Variants in DYNC2I1 observed in about 807,000 individuals in gnomAD.
The protein encoded by DYNC2I1 is dynein 2 intermediate chain 1, also known as cytoplasmic dynein 2 intermediate chain 1.
In DYNC2I1, 89 loss-of-function variants were observed where a neutral mutation model predicts 133.4. That is an observed-to-expected ratio of 0.67 (90% CI 0.56 to 0.80). The LOEUF is 0.80. Ranked by LOEUF, DYNC2I1 falls within the 30% of genes least tolerant of loss-of-function variation. DYNC2I1 has a pLI of 0.00. For synonymous variants in DYNC2I1, 504 were observed against 484.3 expected (o/e 1.04, Z -0.54); for missense variants, 1,291 against 1,314.5 (o/e 0.98, Z 0.28).
rs1843380842 is a variant in DYNC2I1 at position 158,876,604 on chromosome 7, T to C, written c.491-5T>C. 1 of 1,562,632 alleles carries C rather than the reference T, an allele frequency of 6.4e-7. No individual in the cohort carries two copies. ...AGTATTAAAAATATGTTTTACTTCT[T>C]GTAGTAAGTAAAGTAAGAAGTGAAG... On this transcript the variant is annotated splice_polypyrimidine_tract_variant and splice_region_variant and intron_variant, in intron 3 of 24. Transcript: ENST00000407559.
chr7:158,901,970 A>C (rs1186098882), intron 9 of DYNC2I1, among the ~76,000 whole-genome samples, 154 bp downstream of exon 9: 1 of 152,206 alleles, frequency 6.6e-6, no homozygotes, highest in Non-Finnish European at 1.5e-5. Flanking sequence ...GTTACCTGTA[A>C]AATGCTTGCT....
At chr7:158,852,499 G>C (rs1461133027), upstream of DYNC2I1, among the ~76,000 whole-genome samples, 1 of 151,826 alleles carries the variant, frequency 6.6e-6, no homozygotes, top group African/African-American at 2.4e-5. Flanking sequence ...CTAGCACTTT[G>C]GGAGGCCAAG....
intron 4 of DYNC2I1, among the ~76,000 whole-genome samples, chr7:158,878,399 A>G (rs1283408500): frequency 7.9e-6 from 1 of 126,024 alleles, no homozygotes; most frequent in Non-Finnish European, 1.7e-5. Context: ...GCCGGGTGCC[A>G]TGTGGGGAGG....
At chr7:158,906,320 G>A (rs965486537) in intron 11 of DYNC2I1, among the ~76,000 whole-genome samples, 3 of 151,890 alleles carry the variant, frequency 2.0e-5, no homozygotes, top group Admixed American at 6.6e-5. Context: ...GATTTGTGGC[G>A]GACAGTTGGA....
chr7:158,848,769 A>G, the DYNC2I1 span, among the ~76,000 whole-genome samples: 1 of 152,076 alleles, frequency 6.6e-6, no homozygotes, highest in African/African-American at 2.4e-5. Flanking sequence ...CTAAAAATAC[A>G]AAAAATTAGC....
chr7:158,919,729 C>T (rs1362136535), intron 15 of DYNC2I1, among the ~76,000 whole-genome samples: 1 of 152,204 alleles, frequency 6.6e-6, no homozygotes, highest in East Asian at 1.9e-4. Flanking sequence ...ACAAAAATGG[C>T]ATTGTTAATT....
In DYNC2I1 at chr7:158,888,278, C is replaced by A. The variant is rs534708062; in HGVS notation, c.990+1203C>A. ...GACCACATGATCTGCCGACCTCGGC[C>A]TCCCAAAGTGCTGGGATTACAGGCG... is the stretch of plus-strand genomic sequence containing the variant. On this transcript the variant is annotated intron_variant, in intron 7 of 24. Transcript: ENST00000407559. Among the ~76,000 whole-genome samples, 9 of 152,160 alleles carry A rather than the reference C, an allele frequency of 5.9e-5. No individual in the cohort carries two copies. The East Asian group carries it at 1.7e-3, about 29-fold the overall frequency.
intron 10 of DYNC2I1, chr7:158,905,140 C>CTATTTTTTT: frequency 3.0e-6 from 1 of 335,742 alleles, no homozygotes; most frequent in South Asian, 2.3e-5. Context: ...CTTTCTTTTT[C>CTATTTTTTT]TTTTTTTTTT....
chr7:158,942,189 G>T (rs566574052), intron 24 of DYNC2I1, 41 bp downstream of exon 24: 3 of 1,473,170 alleles, frequency 2.0e-6, no homozygotes, highest in Non-Finnish European at 2.7e-6. Context: ...GTTGTGGGGG[G>T]GCTTCGGCCA....
chr7:158,942,324 G>A (rs1356713539), intron 24 of DYNC2I1, among the ~76,000 whole-genome samples, 176 bp downstream of exon 24: 2 of 152,124 alleles, frequency 1.3e-5, no homozygotes, highest in South Asian at 2.1e-4. Flanking sequence ...TTTTGAGAGC[G>A]GTGTTAGGTT....
In DYNC2I1 at chr7:158,887,019, A is replaced by C; in HGVS notation, c.936-2A>C. On this transcript the variant is annotated splice_acceptor_variant, in intron 6 of 24. Transcript: ENST00000407559. LOFTEE classifies it high-confidence loss of function. ...TTGATTTTGATTATGTTTGCTTTCC[A>C]GGCATGCTGAGAATTTAGTAAGGAA... The C allele has an allele frequency of 6.2e-7, 1 of 1,613,720 alleles. No homozygotes were observed. Among genetic ancestry groups the C allele is most frequent in the Non-Finnish European group, 8.5e-7 (1 of 1,179,688 alleles).
chr7:158,922,466 C>CTGCTG lies in DYNC2I1; in HGVS notation c.2012_2016dup (p.Asp673CysfsTer23), dbSNP rs1251915769. 1 of 1,613,904 alleles carries CTGCTG rather than the reference C, an allele frequency of 6.2e-7. No homozygotes were observed. The highest frequency in any genetic ancestry group is 8.5e-7 in the Non-Finnish European group (1 of 1,179,916). ...CTTACCCGAGAAGAGCTTTGTGCCCCTGCTGGACAGCAAATACGTCCTCTG... is the reference window on the plus strand; with the variant it reads ...CTTACCCGAGAAGAGCTTTGTGCCCCTGCTGTGCTGGACAGCAAATACGTCCTCTG... On this transcript the variant is annotated frameshift_variant, in exon 16 of 25. Coordinates refer to ENST00000407559, the MANE Select transcript of DYNC2I1 (RefSeq NM_018051.5). LOFTEE classifies it high-confidence loss of function.
In DYNC2I1 at chr7:158,902,564, T is replaced by C. The variant is rs532519011; in HGVS notation, c.1326T>C (p.Gly442=). ...ELSLKLFQKR[G]RTEFEKEPRT... is the part of the protein sequence containing the mutation. ...CTTTGAAACTGTTTCAGAAGCGAGGTAGAACAGAATTTGAAAAGGAGCCCA... is the reference window on the plus strand; with the variant it reads ...CTTTGAAACTGTTTCAGAAGCGAGGCAGAACAGAATTTGAAAAGGAGCCCA... Residue 442 remains glycine (G), a synonymous_variant, in exon 10 of 25, where the codon GGT becomes GGC. Transcript: ENST00000407559. 27 of 1,613,644 alleles carry C rather than the reference T, an allele frequency of 1.7e-5. 1 individual carries two copies. Among genetic ancestry groups the C allele is most frequent in the Middle Eastern group, 3.3e-4 (2 of 6,084 alleles).
chr7:158,853,688 CTT>C (rs1437063066), upstream of DYNC2I1, among the ~76,000 whole-genome samples: 1 of 144,816 alleles, frequency 6.9e-6, no homozygotes, highest in Non-Finnish European at 1.5e-5. Flanking sequence ...GAGTTTTGCT[CTT>C]GTTGCCCAGG....
chr7:158,860,160 G>C (rs561029594), intron 1 of DYNC2I1, among the ~76,000 whole-genome samples: 2 of 151,680 alleles, frequency 1.3e-5, no homozygotes, highest in South Asian at 4.2e-4. Context: ...GGTTCAAGCA[G>C]TTCTCCTGCC....
intron 7 of DYNC2I1, 27 bp from the exon 8 acceptor site, chr7:158,891,238 C>G (rs576071107): frequency 9.3e-6 from 15 of 1,613,764 alleles, no homozygotes; most frequent in Middle Eastern, 1.7e-4. Context: ...TGTGTCCTGG[C>G]TGATGGGGCT....
At chr7:158,886,360 C>T (rs1450189006) in intron 6 of DYNC2I1, among the ~76,000 whole-genome samples, 1 of 152,062 alleles carries the variant, frequency 6.6e-6, no homozygotes, top group East Asian at 1.9e-4. Flanking sequence ...TCTCGAACTC[C>T]TGACCTCAGG....
upstream of DYNC2I1, among the ~76,000 whole-genome samples, chr7:158,855,882 A>G (rs1841192302): frequency 6.6e-6 from 1 of 151,912 alleles, no homozygotes; most frequent in Non-Finnish European, 1.5e-5. Context: ...TCAAAAGACG[A>G]CATATGGGAA....
chr7:158,913,087 G>C lies in DYNC2I1; in HGVS notation c.1693G>C (p.Val565Leu). Residue 565 changes from valine to leucine, a missense_variant, in exon 13 of 25, where the codon GTA (valine) becomes CTA (leucine). Val to Leu is a conservative substitution (Grantham distance 32). Coordinates refer to ENST00000407559, the MANE Select transcript of DYNC2I1 (RefSeq NM_018051.5). Reference protein sequence around the residue: ...WTQHPGESTVVSGGSEQRDTS... With the variant: ...WTQHPGESTVLSGGSEQRDTS... Reference sequence around the variant, plus strand: ...CCAGCACCCGGGAGAAAGTACTGTTGTATCTGGAGGTAACATCTTGCTCTT... The same window carrying C: ...CCAGCACCCGGGAGAAAGTACTGTTCTATCTGGAGGTAACATCTTGCTCTT... The C allele has an allele frequency of 1.9e-6, 3 of 1,610,880 alleles. No homozygotes were observed. The highest frequency in any genetic ancestry group is 2.5e-6 in the Non-Finnish European group (3 of 1,177,842).
Sources: allele counts gnomAD v4.1 joint callset (sites outside exome capture counted in the v4.1 genomes callset), GRCh38; gene constraint gnomAD v4.1.1; transcripts MANE v1.5; gene names NCBI Gene and HGNC (gene_info 2026-07-23, HGNC 2026-07-21).